The following KIAA1549 variants were observed in gnomAD, a reference collection of about 807,000 sequenced individuals.
KIAA1549 encodes KIAA1549, also known as UPF0606 protein KIAA1549.
Under a neutral mutation model 156.4 loss-of-function variants are expected in KIAA1549, and 70 were observed. The observed-to-expected ratio is 0.45, with a 90% CI of 0.37 to 0.55. The LOEUF (loss-of-function observed/expected upper bound fraction) is 0.55, where lower values mean the gene tolerates loss of function less well. KIAA1549 is among the 20% of genes least tolerant of loss of function. The pLI is 0.00. For synonymous variants in KIAA1549, 1,103 were observed against 1,066.4 expected, an observed-to-expected ratio of 1.03 and a Z score of -0.67; for missense variants, 2,428 against 2,540.9, an observed-to-expected ratio of 0.96 and a Z score of 0.96.
rs749938588 is a variant in KIAA1549, at chr7:138,832,191, C to CTTTTTTTTTTTTTTT, written c.*5700_*5714dup. 1.0e-3 allele frequency: 145 copies of CTTTTTTTTTTTTTTT among 143,748 alleles called. 3 individuals carry two copies. Among genetic ancestry groups the CTTTTTTTTTTTTTTT allele is most frequent in the African/African-American group, 4.7e-3 (141 of 29,996 alleles). 8.9% of individuals were successfully genotyped at this position (143,748 alleles called of 1,614,324 possible). Reference sequence around the variant, plus strand: ...TCACCTCTGTCCCTTTTACCTATTCCTTTTTTTTTTTTTTTTTTTTCCAGA... The same window carrying CTTTTTTTTTTTTTTT: ...TCACCTCTGTCCCTTTTACCTATTCCTTTTTTTTTTTTTTTTTTTTTTTTTTTTTTTTTTTCCAGA... On this transcript the variant is annotated 3_prime_UTR_variant, in exon 20 of 20. Transcript: ENST00000422774.
Position 138,869,671 on chromosome 7 carries a change from G to A in KIAA1549, c.4642C>T (p.Pro1548Ser), listed in dbSNP as rs557525724. Residue 1548 changes from proline to serine, a missense_variant, in exon 14 of 20, where the codon CCG (proline) becomes TCG (serine). Pro to Ser is a moderately conservative substitution (Grantham distance 74). This residue lies in a region of KIAA1549 where 404 missense variants were observed against 417.0 expected (regional missense o/e 0.97). Coordinates refer to ENST00000422774, the MANE Select transcript of KIAA1549 (RefSeq NM_001164665.2). The stretch of plus-strand genomic sequence containing the variant: ...CCCGAGGACAGGTCGTCTACCACCG[G>A]GAACTCGTAGTGCCCGCGGCGCTTG... The part of the protein sequence containing the change: ...RAKRRGHYEF[P>S]VVDDLSSGDT... The A allele has an allele frequency of 1.2e-6, 2 of 1,612,282 alleles. No homozygotes were observed. Among genetic ancestry groups the A allele is most frequent in the East Asian group, 4.5e-5 (2 of 44,850 alleles).
intron 17 of KIAA1549, among the ~76,000 whole-genome samples, chr7:138,846,036 T>A (rs971084012): frequency 6.6e-6 from 1 of 152,222 alleles, no homozygotes; most frequent in Non-Finnish European, 1.5e-5. Context: ...ATGCTTTCTA[T>A]ATATTTCCTC....
intron 10 of KIAA1549, among the ~76,000 whole-genome samples, chr7:138,891,493 A>T (rs1382327075): frequency 6.6e-6 from 1 of 152,256 alleles, no homozygotes; most frequent in Non-Finnish European, 1.5e-5. Flanking sequence ...GATAAAAGAA[A>T]GCATGGGGTT....
chr7:138,932,649 G>C (rs1332585348), intron 1 of KIAA1549, among the ~76,000 whole-genome samples: 1 of 152,198 alleles, frequency 6.6e-6, no homozygotes, highest in Admixed American at 6.5e-5. Context: ...GAGGTCACTA[G>C]AGTTGAACTT....
chr7:138,868,866 G>A (rs956130783), intron 14 of KIAA1549, among the ~76,000 whole-genome samples: 7 of 152,198 alleles, frequency 4.6e-5, no homozygotes, highest in East Asian at 1.9e-4. Context: ...AGTTCTGTCC[G>A]TGTGGCTGAC....
chr7:138,886,019 C>G (rs140952172), intron 10 of KIAA1549, among the ~76,000 whole-genome samples: 1 of 151,072 alleles, frequency 6.6e-6, no homozygotes, highest in South Asian at 2.1e-4. Context: ...TGAGGAAAGC[C>G]CCCCCCCAAA....
At position 138,918,426 on chromosome 7, in the gene KIAA1549, G is replaced by C. The variant is rs372716380; in HGVS notation, c.1200C>G (p.Pro400=). 4.3e-6 allele frequency: 7 copies of C among 1,613,858 alleles called. No individual in the cohort carries two copies. The African/African-American group carries it at 9.3e-5, about 22-fold the overall frequency. ...GGATATGAGTGTTGTCCACAGGACC[G>C]GGGAGGGCTGAATTGCTATGCAATT... is the stretch of plus-strand genomic sequence containing the variant. ...TSELHSNSAL[P]GPVDNTHILS... The change falls in exon 2 of 20, where the codon CCC becomes CCG. Residue 400 remains proline (P), a synonymous_variant. Transcript: ENST00000422774. The surrounding 1 kb of genome is among the most constrained non-coding windows in gnomAD (Gnocchi z 4.2).
chr7:138,885,426 C>T (rs1167092850), intron 10 of KIAA1549, among the ~76,000 whole-genome samples: 1 of 152,138 alleles, frequency 6.6e-6, no homozygotes, highest in East Asian at 1.9e-4. Flanking sequence ...TTCCCTCCTG[C>T]CCCCGTCTCT....
chr7:138,926,403 G>C (rs553686706), intron 1 of KIAA1549, among the ~76,000 whole-genome samples: 39 of 152,106 alleles, frequency 2.6e-4, no homozygotes, highest in African/African-American at 8.0e-4. Flanking sequence ...TTGTGCCTCA[G>C]CCTCCAGAGC....
At chr7:138,940,909 A>G (rs1162714810) in intron 1 of KIAA1549, among the ~76,000 whole-genome samples, 1 of 151,814 alleles carries the variant, frequency 6.6e-6, no homozygotes, top group Admixed American at 6.6e-5. Context: ...TAGATTCTGG[A>G]TATTAGCCCT....
intron 18 of KIAA1549, among the ~76,000 whole-genome samples, chr7:138,843,017 T>A (rs1195960587): frequency 6.6e-6 from 1 of 152,218 alleles, no homozygotes; most frequent in East Asian, 1.9e-4. Flanking sequence ...AAAGGCTCTG[T>A]AAGTCCTACC....
intron 1 of KIAA1549, among the ~76,000 whole-genome samples, chr7:138,970,033 C>T (rs1814171925): frequency 6.6e-6 from 1 of 152,194 alleles, no homozygotes; most frequent in African/African-American, 2.4e-5. Context: ...ACTATAGTCA[C>T]CCTGTTGTGC....
At chr7:138,924,195 C>CTT (rs747004102) in intron 1 of KIAA1549, among the ~76,000 whole-genome samples, 20 of 132,824 alleles carry the variant, frequency 1.5e-4, no homozygotes, top group Non-Finnish European at 3.0e-4. Context: ...TTTTTTTTTT[C>CTT]TTTTTTTTTT....
Position 138,903,572 on chromosome 7 carries a change from C to T in KIAA1549, c.3669+16G>A, listed in dbSNP as rs1811903605. 4 of 1,611,646 alleles carry T rather than the reference C, an allele frequency of 2.5e-6. No homozygotes were observed. The highest frequency in any genetic ancestry group is 2.5e-6 in the Non-Finnish European group (3 of 1,178,626). The stretch of plus-strand genomic sequence containing the variant: ...CTCCCTCTCTCTCCTTCCCCTCCTC[C>T]TTTGATGTGGAGTACCTGCACCACA... On this transcript the variant is annotated intron_variant, in intron 8 of 19. Coordinates refer to ENST00000422774, the MANE Select transcript of KIAA1549 (RefSeq NM_001164665.2).
rs192251791 is a variant in KIAA1549 at position 138,909,027 on chromosome 7, T to C, written c.3240A>G (p.Arg1080=). The C allele has an allele frequency of 3.1e-6, 5 of 1,614,062 alleles. No homozygotes were observed. Among genetic ancestry groups the C allele is most frequent in the Non-Finnish European group, 4.2e-6 (5 of 1,179,894 alleles). ...KGLMTALFEV[R]KHHQGTYNLT... ...GGTTATACGTTCCCTGGTGGTGTTTTCTCACTTCAAAGAGAGCTGTCATTA... is the reference window on the plus strand; with the variant it reads ...GGTTATACGTTCCCTGGTGGTGTTTCCTCACTTCAAAGAGAGCTGTCATTA... The change falls in exon 5 of 20, where the codon AGA becomes AGG. Residue 1080 remains arginine, a synonymous_variant. Transcript: ENST00000422774.
At chr7:138,841,475 T>TA (rs1237767804) in intron 18 of KIAA1549, among the ~76,000 whole-genome samples, 1 of 152,190 alleles carries the variant, frequency 6.6e-6, no homozygotes. Context: ...AGCCAGGTAA[T>TA]ACACAATGTT....
At chr7:138,959,397 C>T (rs895415377) in intron 1 of KIAA1549, among the ~76,000 whole-genome samples, 21 of 152,234 alleles carry the variant, frequency 1.4e-4, no homozygotes, top group African/African-American at 4.3e-4. Context: ...AAAAAGATGA[C>T]GCTAACGGGG....
At chr7:138,937,198 C>T (rs892935566) in intron 1 of KIAA1549, among the ~76,000 whole-genome samples, 2 of 133,168 alleles carry the variant, frequency 1.5e-5, no homozygotes, top group East Asian at 2.0e-4. Flanking sequence ...TCCTCCTTCC[C>T]GTAACTATCA....
At chr7:138,943,827 C>T (rs1422827861) in intron 1 of KIAA1549, among the ~76,000 whole-genome samples, 5 of 150,620 alleles carry the variant, frequency 3.3e-5, no homozygotes, top group South Asian at 2.1e-4. Flanking sequence ...CCAGCCTGGG[C>T]GACAGAGTGA....
Sources: allele counts gnomAD v4.1 joint callset (sites outside exome capture counted in the v4.1 genomes callset), GRCh38; gene constraint gnomAD v4.1.1; regional missense constraint gnomAD v4.1.1; non-coding constraint Gnocchi (gnomAD v3.1); transcripts MANE v1.5; gene names NCBI Gene and HGNC (gene_info 2026-07-23, HGNC 2026-07-21).